EFR3B: variants seen among roughly 807,000 people sequenced by gnomAD.
The protein encoded by EFR3B is protein EFR3 homolog B.
Under a neutral mutation model 104.7 loss-of-function variants are expected in EFR3B, and 64 were observed. The ratio of observed to expected loss-of-function variants is 0.61; its 90% CI spans 0.50 to 0.75. EFR3B has a LOEUF of 0.75. Ranked by LOEUF, EFR3B falls within the 30% of genes least tolerant of loss-of-function variation. The pLI is 0.00. For missense variants in EFR3B, 750 were observed against 1,078.5 expected, an observed-to-expected ratio of 0.70 and a Z score of 4.27; for synonymous variants, 385 against 417.9, an observed-to-expected ratio of 0.92 and a Z score of 0.96.
At chr2:25,107,974 C>G (rs1044337863) in intron 4 of EFR3B, among the ~76,000 whole-genome samples, 4 of 152,130 alleles carry the variant, frequency 2.6e-5, no homozygotes, top group Non-Finnish European at 5.9e-5. Flanking sequence ...GCTGGGATTA[C>G]AGGCGTGCAC....
chr2:25,140,891 A>T (rs1670642717), intron 16 of EFR3B, among the ~76,000 whole-genome samples: 1 of 151,956 alleles, frequency 6.6e-6, no homozygotes, highest in East Asian at 1.9e-4. Context: ...AAATATAAAA[A>T]TTTGCCAGGC....
rs755693332 is a variant in EFR3B at position 25,158,611 on chromosome 2, G to A, written c.*4271G>A. 6.5e-6 allele frequency: 1 copy of A among 152,756 alleles called. No homozygotes were observed. The highest frequency in any genetic ancestry group is 1.5e-5 in the Non-Finnish European group (1 of 68,402). 9.5% of individuals were successfully genotyped at this position (152,756 alleles called of 1,614,324 possible). ...GGCAGGGACAGGAGGGCGGCAGGAA[G>A]GGCTTTGTGGCCCTGCTGGGGCCAA... On this transcript the variant is annotated 3_prime_UTR_variant, in exon 23 of 23. Transcript: ENST00000403714.
At chr2:25,081,104 G>A (rs1668790471) in intron 1 of EFR3B, 2 of 695,032 alleles carry the variant, frequency 2.9e-6, no homozygotes, top group Admixed American at 2.1e-5. Flanking sequence ...TTGCAAAGTA[G>A]TCTTCTCCCC....
chr2:25,098,831 ATTTT>A (rs11416666), intron 3 of EFR3B, among the ~76,000 whole-genome samples: 9 of 83,802 alleles, frequency 1.1e-4, no homozygotes, highest in African/African-American at 1.6e-4. Flanking sequence ...TAAGTAGCCA[ATTTT>A]TTTTTTTTTT....
chr2:25,130,779 G>A lies in EFR3B; in HGVS notation c.849+149G>A, dbSNP rs1008760235. 2.4e-5 allele frequency: 16 copies of A among 674,016 alleles called. No homozygotes were observed. The African/African-American group carries it at 2.7e-4, about 11-fold the overall frequency. 41.8% of individuals were successfully genotyped at this position (674,016 alleles called of 1,614,324 possible). On this transcript the variant is annotated intron_variant, in intron 8 of 22. Coordinates refer to ENST00000403714, the MANE Select transcript of EFR3B (RefSeq NM_014971.2). The surrounding 1 kb of genome is among the most constrained non-coding windows in gnomAD (Gnocchi z 4.6). ...CAGTGCTGCTTAAGCTAGCTGTGGAGAAGGGCCGGCTGATTTTATTTCCAG... is the reference window on the plus strand; with the variant it reads ...CAGTGCTGCTTAAGCTAGCTGTGGAAAAGGGCCGGCTGATTTTATTTCCAG...
At chr2:25,079,673 C>A (rs1668735451) in intron 1 of EFR3B, among the ~76,000 whole-genome samples, 1 of 152,056 alleles carries the variant, frequency 6.6e-6, no homozygotes, top group African/African-American at 2.4e-5. Flanking sequence ...GTAGGAGAAG[C>A]AAATAAGACT....
At chr2:25,105,500 A>G (rs778013341) in intron 4 of EFR3B, among the ~76,000 whole-genome samples, 1 of 152,224 alleles carries the variant, frequency 6.6e-6, no homozygotes, top group Non-Finnish European at 1.5e-5. Context: ...CCTGTTCTAC[A>G]TAAGTTGATT....
intron 1 of EFR3B, among the ~76,000 whole-genome samples, chr2:25,049,933 T>A (rs61712548): frequency 0.14 from 19,888 of 145,650 alleles, 1,544 homozygotes; most frequent in African/African-American, 0.21. Flanking sequence ...TAACCAACAT[T>A]GTGAAACGAC....
intron 1 of EFR3B, among the ~76,000 whole-genome samples, chr2:25,048,130 T>G (rs1009747623): frequency 3.3e-5 from 5 of 151,962 alleles, no homozygotes; most frequent in African/African-American, 1.2e-4. Flanking sequence ...ATCCTCCTGC[T>G]TCAGCCTCCT....
chr2:25,097,734 T>C (rs1669321403), intron 3 of EFR3B, among the ~76,000 whole-genome samples: 1 of 152,216 alleles, frequency 6.6e-6, no homozygotes, highest in Non-Finnish European at 1.5e-5. Flanking sequence ...CCTTCTATTT[T>C]CCCTTCTCTT....
intron 19 of EFR3B, 57 bp from the exon 20 acceptor site, chr2:25,149,637 G>T: frequency 6.6e-7 from 1 of 1,525,090 alleles, no homozygotes; most frequent in East Asian, 2.5e-5. Context: ...GGGTGCCAGG[G>T]CTGCCTCCTT....
rs570608434 is a variant in EFR3B, at chr2:25,073,066, T to C, written c.8-18259T>C. 2.0e-5 allele frequency among the ~76,000 whole-genome samples: 3 copies of C among 152,354 alleles called. No homozygotes were observed. The East Asian group carries it at 5.8e-4, about 29-fold the overall frequency. On this transcript the variant is annotated intron_variant, in intron 1 of 22. Transcript: ENST00000403714. ...AGATTTGATGCATTATTGTGGATCT[T>C]CTTACTGGAATTTGAAGCATACATT...
At chr2:25,103,910 T>A in intron 4 of EFR3B, 123 bp downstream of exon 4, 1 of 1,180,368 alleles carries the variant, frequency 8.5e-7, no homozygotes, top group Non-Finnish European at 1.2e-6. Flanking sequence ...ACCCTAAGTG[T>A]GACACACTGC....
At chr2:25,125,961 T>C (rs183960199) in intron 5 of EFR3B, among the ~76,000 whole-genome samples, 4 of 152,262 alleles carry the variant, frequency 2.6e-5, no homozygotes, top group Admixed American at 2.6e-4. Flanking sequence ...AAAATGCAAC[T>C]GGCAACTCAA....
At chr2:25,101,094 A>T (rs1669420892) in intron 3 of EFR3B, among the ~76,000 whole-genome samples, 1 of 152,108 alleles carries the variant, frequency 6.6e-6, no homozygotes, top group African/African-American at 2.4e-5. Context: ...GTATAAAGAA[A>T]CTCAAAAGAC....
chr2:25,050,914 T>C (rs1160180024), intron 1 of EFR3B, among the ~76,000 whole-genome samples: 1 of 152,222 alleles, frequency 6.6e-6, no homozygotes, highest in African/African-American at 2.4e-5. Context: ...AATTAGATAT[T>C]TCTTTTCAAA....
intron 1 of EFR3B, among the ~76,000 whole-genome samples, chr2:25,077,517 C>T (rs1668669898): frequency 6.6e-6 from 1 of 152,196 alleles, no homozygotes; most frequent in African/African-American, 2.4e-5. Context: ...TCTTGAACTC[C>T]TGACCTCCTG....
chr2:25,057,555 G>T (rs1668057675), intron 1 of EFR3B, among the ~76,000 whole-genome samples: 1 of 152,188 alleles, frequency 6.6e-6, no homozygotes, highest in African/African-American at 2.4e-5. Context: ...GCTGAGGCGG[G>T]TGGATCACCT....
chr2:25,102,451 G>C (rs1669452168), intron 3 of EFR3B, among the ~76,000 whole-genome samples: 1 of 152,188 alleles, frequency 6.6e-6, no homozygotes, highest in Non-Finnish European at 1.5e-5. Context: ...GAGACCTCAG[G>C]AAACTTACAA....
Sources: gnomAD v4.1 joint callset for allele counts (sites outside exome capture counted in the v4.1 genomes callset) on GRCh38, gnomAD v4.1.1 for gene constraint, Gnocchi (gnomAD v3.1) non-coding constraint, MANE v1.5 for transcripts, NCBI Gene and HGNC (gene_info 2026-07-23, HGNC 2026-07-21) for gene names.